UBASH3A: variants seen among roughly 807,000 people sequenced by gnomAD.
The protein encoded by UBASH3A is ubiquitin associated and SH3 domain containing A, also known as ubiquitin-associated and SH3 domain-containing protein A.
A neutral mutation model predicts 73.5 loss-of-function variants in UBASH3A; 63 were observed. That is an observed-to-expected ratio of 0.86 (90% CI 0.70 to 1.06). The LOEUF is 1.06. Among genes scored for constraint, UBASH3A ranks in the 50% least tolerant of loss-of-function variants. The pLI, the probability that UBASH3A is intolerant of heterozygous loss-of-function variation, is 0.00. For missense variants in UBASH3A, 860 were observed against 859.0 expected (o/e 1.00, Z -0.02); for synonymous variants, 363 against 351.1 (o/e 1.03, Z -0.38).
In UBASH3A at chr21:42,413,952, GA is replaced by G. The variant is rs1221713859; in HGVS notation, c.667+430del. Reference sequence around the variant, plus strand: ...TTGTGGACTTGACGTCAGAAGATGTGATTTTTTTCTGTGTCCCTGATGAGTG... The same window carrying G: ...TTGTGGACTTGACGTCAGAAGATGTGTTTTTTTCTGTGTCCCTGATGAGTG... On this transcript the variant is annotated intron_variant, in intron 5 of 14. Transcript: ENST00000319294. This position sits in a 1 kb window ranked among gnomAD's most constrained non-coding sequence, Gnocchi z 4.5. 6.6e-6 allele frequency among the ~76,000 whole-genome samples: 1 copy of G among 152,198 alleles called. No homozygotes were observed. The highest frequency in any genetic ancestry group is 1.5e-5 in the Non-Finnish European group (1 of 68,038).
chr21:42,416,061 C>T (rs1461021632), intron 5 of UBASH3A, among the ~76,000 whole-genome samples: 1 of 152,156 alleles, frequency 6.6e-6, no homozygotes, highest in Non-Finnish European at 1.5e-5. Context: ...AAAGAGTTTT[C>T]TTCTTGAAAC....
At position 42,421,491 on chromosome 21, in the gene UBASH3A, TC is replaced by T. The variant is rs1420469057; in HGVS notation, c.1046+2886del. The stretch of plus-strand genomic sequence containing the variant: ...AAATGCTCCACAGCTTCTCTAGGGT[TC>T]CCCTCACCACCCTGACAAATAAATA... On this transcript the variant is annotated intron_variant, in intron 7 of 14. Transcript: ENST00000319294. Among the ~76,000 whole-genome samples, 3 of 152,178 alleles carry T rather than the reference TC, an allele frequency of 2.0e-5. No individual in the cohort carries two copies. In the East Asian group the frequency reaches 5.8e-4, roughly 29 times the overall value.
intron 1 of UBASH3A, among the ~76,000 whole-genome samples, chr21:42,405,356 C>T (rs962546883): frequency 2.0e-5 from 3 of 152,158 alleles, no homozygotes; most frequent in Non-Finnish European, 4.4e-5. Flanking sequence ...AGGTGGAACC[C>T]GAACCAGCTT....
chr21:42,438,363 T>A (rs1353154697), intron 11 of UBASH3A, among the ~76,000 whole-genome samples: 1 of 152,064 alleles, frequency 6.6e-6, no homozygotes, highest in African/African-American at 2.4e-5. Context: ...GGGCAGGGAC[T>A]GTGGGAAGTT....
In UBASH3A at chr21:42,439,692, TACACACACCCAC is replaced by T. The variant is rs1159299564; in HGVS notation, c.1486+2122_1486+2133del. ...CACACACCACACGCCACACACACAC[TACACACACCCAC>T]ACACACACCATGCACACCCACACAC... is the stretch of plus-strand genomic sequence containing the variant. On this transcript the variant is annotated intron_variant, in intron 11 of 14. Coordinates refer to ENST00000319294, the MANE Select transcript of UBASH3A (RefSeq NM_018961.4). 3.0e-4 allele frequency among the ~76,000 whole-genome samples: 23 copies of T among 77,200 alleles called. No homozygotes were observed. In the East Asian group the frequency reaches 5.5e-3, roughly 18 times the overall value. 50.6% of individuals were successfully genotyped at this position (77,200 alleles called of 152,430 possible).
chr21:42,436,811 C>T (rs1048991537), intron 10 of UBASH3A, among the ~76,000 whole-genome samples: 6 of 150,076 alleles, frequency 4.0e-5, no homozygotes, highest in African/African-American at 1.2e-4. Context: ...TTTCCTTCCA[C>T]GAGCTTCAGT....
intron 12 of UBASH3A, 70 bp downstream of exon 12, chr21:42,442,666 T>C (rs1034195527): frequency 1.1e-5 from 16 of 1,511,086 alleles, no homozygotes; most frequent in Admixed American, 2.1e-5. Flanking sequence ...TTCATGACAC[T>C]GTTAAAATGG....
chr21:42,404,554 C>T (rs1204677247), intron 1 of UBASH3A, among the ~76,000 whole-genome samples: 1 of 152,074 alleles, frequency 6.6e-6, no homozygotes, highest in East Asian at 1.9e-4. Flanking sequence ...CTCTGGGTGC[C>T]CCATTTTGGG....
chr21:42,444,661 G>A lies in UBASH3A; in HGVS notation c.1848+18G>A, dbSNP rs765162721. On this transcript the variant is annotated intron_variant, in intron 14 of 14. Coordinates refer to ENST00000319294, the MANE Select transcript of UBASH3A (RefSeq NM_018961.4). ...TGAGAAAGGTACGCGCCCACTCTTG[G>A]CTCTTTGGGCCACAAAATCAAGCAT... The A allele has an allele frequency of 4.5e-6, 7 of 1,558,764 alleles. No homozygotes were observed. The highest frequency in any genetic ancestry group is 1.7e-5 in the Admixed American group (1 of 59,944).
rs755392171 is a variant in UBASH3A, at chr21:42,409,387, G to C, written c.168-35G>C. 2.6e-6 allele frequency: 4 copies of C among 1,513,388 alleles called. No individual in the cohort carries two copies. In the Admixed American group the frequency reaches 6.9e-5, roughly 26 times the overall value. The allele number at this position is 1,513,388 out of a possible 1,614,324, so 93.7% of individuals were successfully genotyped here. ...CAAAGGGGAAAACTCTTTTTGTTGT[G>C]ACAGTGGGTGATGCCGGCTTGCTCT... On this transcript the variant is annotated intron_variant, in intron 2 of 14. Transcript: ENST00000319294.
chr21:42,406,171 C>T (rs1023028725), intron 1 of UBASH3A, 137 bp from the exon 2 acceptor site: 25 of 755,682 alleles, frequency 3.3e-5, no homozygotes, highest in Non-Finnish European at 5.2e-5. Flanking sequence ...CTAGAACTTC[C>T]AGCTGGAAGT....
intron 11 of UBASH3A, among the ~76,000 whole-genome samples, chr21:42,441,416 G>A (rs1034181806): frequency 4.0e-5 from 6 of 148,356 alleles, no homozygotes; most frequent in African/African-American, 1.5e-4. Flanking sequence ...GATTTCGGGG[G>A]CCTGGTTTAT....
chr21:42,418,391 T>C lies in UBASH3A; in HGVS notation c.838-10T>C. ...GCTCGAGACGTGAAACCCCTTTGCC[T>C]CTTTTCTAGACCCTGAGAGCCCTAT... is the stretch of plus-strand genomic sequence containing the variant. On this transcript the variant is annotated splice_polypyrimidine_tract_variant and intron_variant, in intron 6 of 14. Transcript: ENST00000319294. The C allele has an allele frequency of 6.2e-7, 1 of 1,604,814 alleles. No homozygotes were observed.
At chr21:42,441,707 C>T (rs1168613547) in intron 11 of UBASH3A, among the ~76,000 whole-genome samples, 1 of 151,738 alleles carries the variant, frequency 6.6e-6, no homozygotes, top group African/African-American at 2.4e-5. Flanking sequence ...TTGGGGAGAA[C>T]TTGGGGGCCT....
At chr21:42,430,043 T>G (rs74552232) in intron 8 of UBASH3A, among the ~76,000 whole-genome samples, 5,166 of 151,888 alleles carry the variant, frequency 0.034, 98 homozygotes, top group Non-Finnish European at 0.04. Flanking sequence ...TCACAAGGGA[T>G]CCACAGGATC....
intron 7 of UBASH3A, among the ~76,000 whole-genome samples, chr21:42,421,176 C>T (rs1156307319): frequency 2.0e-5 from 3 of 152,204 alleles, no homozygotes; most frequent in African/African-American, 7.2e-5. Flanking sequence ...TCAGAGTACA[C>T]ATGGTGAAAA....
At chr21:42,405,987 G>A (rs776739405) in intron 1 of UBASH3A, among the ~76,000 whole-genome samples, 8,675 of 148,264 alleles carry the variant, frequency 0.059, 433 homozygotes, top group Middle Eastern at 0.12. Context: ...AGGCAGTGGG[G>A]GGGGGGGGGG....
At chr21:42,419,098 A>T (rs997515867) in intron 7 of UBASH3A, among the ~76,000 whole-genome samples, 34 of 152,202 alleles carry the variant, frequency 2.2e-4, no homozygotes, top group Admixed American at 1.9e-3. Context: ...TCAAGGCTGT[A>T]ATCAAGGTGC....
In UBASH3A at chr21:42,443,393, A is replaced by G; in HGVS notation, c.1713A>G (p.Gln571=). 6.2e-7 allele frequency: 1 copy of G among 1,612,478 alleles called. No homozygotes were observed. Among genetic ancestry groups the G allele is most frequent in the Non-Finnish European group, 8.5e-7 (1 of 1,179,252 alleles). The change falls in exon 13 of 15, where the codon CAA becomes CAG. Residue 571 remains glutamine, a synonymous_variant. Transcript: ENST00000319294. ...ACAGGTGCACGGCGAGCATGGTGCA[A>G]ATCGTCAACACCTGTCCACAGGACA... ...YMDRCTASMV[Q]IVNTCPQDTG...
Sources: allele counts gnomAD v4.1 joint callset (sites outside exome capture counted in the v4.1 genomes callset), GRCh38; gene constraint gnomAD v4.1.1; non-coding constraint Gnocchi (gnomAD v3.1); transcripts MANE v1.5; gene names NCBI Gene and HGNC (gene_info 2026-07-23, HGNC 2026-07-21).